Variants in PTGR1 observed in about 807,000 individuals in gnomAD.
PTGR1 encodes 15-oxoprostaglandin 13-reductase.
A neutral mutation model predicts 37.7 loss-of-function variants in PTGR1; 23 were observed. The ratio of observed to expected loss-of-function variants is 0.61; its 90% CI spans 0.44 to 0.86. The LOEUF (loss-of-function observed/expected upper bound fraction) is 0.86. PTGR1 is among the 40% of genes least tolerant of loss of function. The pLI is 0.00. For synonymous variants in PTGR1, 134 were observed against 140.0 expected (o/e 0.96, Z 0.30); for missense variants, 351 against 394.3 (o/e 0.89, Z 0.93).
chr9:111,576,606 A>AT (rs1193710127), intron 7 of PTGR1: 1 of 585,148 alleles, frequency 1.7e-6, no homozygotes, highest in African/African-American at 1.9e-5. Context: ...TTTGTCTTTC[A>AT]TAAAATAAAA....
intron 8 of PTGR1, among the ~76,000 whole-genome samples, chr9:111,571,801 G>C (rs1828833362): frequency 6.6e-6 from 1 of 152,124 alleles, no homozygotes; most frequent in African/African-American, 2.4e-5. Context: ...ACTGCGCCTG[G>C]CTAAGAATTT....
At chr9:111,574,639 C>T in intron 8 of PTGR1, 95 bp downstream of exon 8, 4 of 710,970 alleles carry the variant, frequency 5.6e-6, no homozygotes, top group South Asian at 2.4e-5. Flanking sequence ...GAAAATCTTT[C>T]TAATAATTTC....
Position 111,574,733 on chromosome 9 carries a change from C to G in PTGR1, c.760+1G>C. ...TGGGATCGTGTGCATGTGCTCATTACCTGGGGGAAGTGGGCCGGTTCTGTT... is the reference window on the plus strand; with the variant it reads ...TGGGATCGTGTGCATGTGCTCATTAGCTGGGGGAAGTGGGCCGGTTCTGTT... On this transcript the variant is annotated splice_donor_variant, in intron 8 of 9. Coordinates refer to ENST00000407693, the MANE Select transcript of PTGR1 (RefSeq NM_001146108.2). LOFTEE classifies it high-confidence loss of function. The G allele has an allele frequency of 6.2e-7, 1 of 1,609,046 alleles. No homozygotes were observed. Among genetic ancestry groups the G allele is most frequent in the South Asian group, 1.1e-5 (1 of 90,600 alleles).
chr9:111,594,091 A>G, intron 3 of PTGR1, 131 bp downstream of exon 3: 1 of 973,906 alleles, frequency 1.0e-6, no homozygotes, highest in Non-Finnish European at 1.6e-6. Context: ...GAATCTTATC[A>G]CTGATACTGG....
chr9:111,556,597 C>T (rs1427185350), intron 9 of PTGR1, among the ~76,000 whole-genome samples: 2 of 152,212 alleles, frequency 1.3e-5, no homozygotes, highest in Non-Finnish European at 2.9e-5. Flanking sequence ...GCCAACACCA[C>T]ATAGAAACTG....
chr9:111,576,132 T>C (rs1829043143), intron 7 of PTGR1, among the ~76,000 whole-genome samples: 1 of 151,208 alleles, frequency 6.6e-6, no homozygotes, highest in Non-Finnish European at 1.5e-5. Flanking sequence ...GCACTCCAGA[T>C]TGGGAGACAG....
intron 2 of PTGR1, 142 bp from the exon 3 acceptor site, chr9:111,594,409 G>C: frequency 1.4e-6 from 1 of 720,794 alleles, no homozygotes; most frequent in South Asian, 1.5e-5. Flanking sequence ...CACTGCCTGG[G>C]TGACAGGATC....
chr9:111,594,601 A>C (rs999288815), intron 2 of PTGR1, among the ~76,000 whole-genome samples: 1 of 126,746 alleles, frequency 7.9e-6, no homozygotes, highest in African/African-American at 3.2e-5. Flanking sequence ...CCCAGGCTGG[A>C]GTGCAGTGGC....
At chr9:111,586,605 TC>T (rs1829435155) in intron 4 of PTGR1, among the ~76,000 whole-genome samples, 1 of 151,786 alleles carries the variant, frequency 6.6e-6, no homozygotes, top group Admixed American at 6.6e-5. Flanking sequence ...ATCCCATCCC[TC>T]CCCTAGCTCC....
chr9:111,591,061 G>A (rs1321579729), intron 4 of PTGR1, among the ~76,000 whole-genome samples: 1 of 152,094 alleles, frequency 6.6e-6, no homozygotes, highest in African/African-American at 2.4e-5. Flanking sequence ...AGAGGCCAAG[G>A]CGGGCGGATC....
intron 4 of PTGR1, among the ~76,000 whole-genome samples, chr9:111,589,755 T>C (rs907141068): frequency 4.0e-5 from 6 of 151,748 alleles, no homozygotes; most frequent in African/African-American, 1.4e-4. Flanking sequence ...CTGCCTCAGC[T>C]TCCCAAGTAG....
chr9:111,571,741 C>T (rs771449501), intron 8 of PTGR1, among the ~76,000 whole-genome samples: 2 of 152,084 alleles, frequency 1.3e-5, no homozygotes, highest in Non-Finnish European at 2.9e-5. Context: ...CTGGGCCAAG[C>T]GATCCTCCTG....
chr9:111,585,108 T>C (rs1043282375), intron 5 of PTGR1, among the ~76,000 whole-genome samples: 1 of 152,076 alleles, frequency 6.6e-6, no homozygotes, highest in Non-Finnish European at 1.5e-5. Context: ...CCTCTGACTA[T>C]ATTTGGGGCC....
chr9:111,555,611 AC>A (rs1828099966), intron 9 of PTGR1, among the ~76,000 whole-genome samples: 1 of 152,058 alleles, frequency 6.6e-6, no homozygotes, highest in Admixed American at 6.5e-5. Flanking sequence ...TCAGGAACTT[AC>A]AGTCATGGCA....
At chr9:111,576,345 C>G in intron 7 of PTGR1, 1 of 1,613,714 alleles carries the variant, frequency 6.2e-7, no homozygotes, top group Non-Finnish European at 8.5e-7. Flanking sequence ...ACTCACTAAG[C>G]TTTCCCTGGT....
At chr9:111,569,078 C>G (rs1232703876) in intron 9 of PTGR1, among the ~76,000 whole-genome samples, 3 of 152,100 alleles carry the variant, frequency 2.0e-5, no homozygotes, top group African/African-American at 7.2e-5. Flanking sequence ...CAGGAAAGAT[C>G]AAAATATATT....
In PTGR1 at chr9:111,592,956, C is replaced by G; in HGVS notation, c.179G>C (p.Gly60Ala). 6.9e-7 allele frequency: 1 copy of G among 1,450,300 alleles called. No homozygotes were observed. The highest frequency in any genetic ancestry group is 9.3e-7 in the Non-Finnish European group (1 of 1,080,056). The allele number at this position is 1,450,300 out of a possible 1,614,324, so 89.8% of individuals were successfully genotyped here. A position where few individuals can be genotyped will look rare whatever the true frequency, so the allele number is the denominator to read the frequency against. The stretch of plus-strand genomic sequence containing the variant: ...CACTTGCTGCCCCATCATTGTATCA[C>G]CTTCCTTCAATCTTTTGGCTGCCAC... ...MRVAAKRLKE[G>A]DTMMGQQVAK... Residue 60 changes from glycine to alanine, a missense_variant, in exon 4 of 10, where the codon GGT becomes GCT. Gly to Ala is a moderately conservative substitution (Grantham distance 60, BLOSUM62 0). Transcript: ENST00000407693.
At chr9:111,579,789 A>G (rs918861594) in intron 6 of PTGR1, among the ~76,000 whole-genome samples, 2 of 152,064 alleles carry the variant, frequency 1.3e-5, no homozygotes, top group Non-Finnish European at 2.9e-5. Flanking sequence ...CCAAAGCACC[A>G]GACTACACGC....
chr9:111,556,081 T>G (rs1305827117), intron 9 of PTGR1, among the ~76,000 whole-genome samples: 2 of 152,326 alleles, frequency 1.3e-5, no homozygotes, highest in Non-Finnish European at 2.9e-5. Context: ...AGACACTGGG[T>G]AAATGCTCCC....
Sources: gnomAD v4.1 joint callset for allele counts (sites outside exome capture counted in the v4.1 genomes callset) on GRCh38, gnomAD v4.1.1 for gene constraint, MANE v1.5 for transcripts, NCBI Gene and HGNC (gene_info 2026-07-23, HGNC 2026-07-21) for gene names.